Variants in DENND5A observed in about 807,000 individuals in gnomAD.
DENND5A encodes DENN domain containing 5A, also known as DENN domain-containing protein 5A.
Under a neutral mutation model 140.3 loss-of-function variants are expected in DENND5A, and 64 were observed. The observed-to-expected ratio is 0.46, with a 90% CI of 0.37 to 0.56. DENND5A has a LOEUF of 0.56. DENND5A is among the 20% of genes least tolerant of loss of function. The pLI is 0.00. For synonymous variants in DENND5A, 605 were observed against 607.7 expected, an observed-to-expected ratio of 1.00 and a Z score of 0.07; for missense variants, 1,292 against 1,593.8, an observed-to-expected ratio of 0.81 and a Z score of 3.22.
At chr11:9,250,626 A>T (rs1851677972) in intron 1 of DENND5A, among the ~76,000 whole-genome samples, 1 of 152,138 alleles carries the variant, frequency 6.6e-6, no homozygotes, top group African/African-American at 2.4e-5. Flanking sequence ...GTAACAATGG[A>T]CAAACAATTT....
intron 1 of DENND5A, chr11:9,242,597 T>C (rs537130137): frequency 6.6e-6 from 1 of 152,318 alleles, no homozygotes; most frequent in Admixed American, 6.5e-5. Flanking sequence ...TCAAACTCTC[T>C]GCACTTTAGT....
At chr11:9,261,123 T>C (rs1852178222) in intron 1 of DENND5A, among the ~76,000 whole-genome samples, 1 of 152,126 alleles carries the variant, frequency 6.6e-6, no homozygotes. Flanking sequence ...AGTACTGGGA[T>C]TACAGGTGTG....
rs1848335966 is a variant in DENND5A, at chr11:9,170,561, C to T, written c.2057+66G>A. The T allele has an allele frequency of 1.9e-6, 3 of 1,588,750 alleles. No individual in the cohort carries two copies. In the Admixed American group the frequency reaches 5.0e-5, roughly 27 times the overall value. ...GGTCTTCTAGGGGTAACAGCCCTAG[C>T]CCAGATACTAGATGACCCTATTACA... On this transcript the variant is annotated intron_variant, in intron 9 of 22. Coordinates refer to ENST00000328194, the MANE Select transcript of DENND5A (RefSeq NM_015213.4).
At chr11:9,156,647 C>T (rs1340554286) in intron 12 of DENND5A, among the ~76,000 whole-genome samples, 1 of 149,502 alleles carries the variant, frequency 6.7e-6, no homozygotes, top group Non-Finnish European at 1.5e-5. Context: ...AAAAAAGATA[C>T]AAAAATTAGC....
At chr11:9,190,613 G>A (rs1417800652) in intron 5 of DENND5A, among the ~76,000 whole-genome samples, 1 of 152,038 alleles carries the variant, frequency 6.6e-6, no homozygotes, top group Non-Finnish European at 1.5e-5. Flanking sequence ...TCTTTCTTTT[G>A]TAAACTGCCC....
At position 9,178,931 on chromosome 11, in the gene DENND5A, A is replaced by G. The variant is rs778270159; in HGVS notation, c.1598T>C (p.Val533Ala). Reference protein sequence around the residue: ...RFTQMFADYEVFVIQPSQDKE... With the variant: ...RFTQMFADYEAFVIQPSQDKE... ...ATCCTGGCTGGGTTGGATGACAAAC[A>G]CCTCATAATCTGCAAACATCTGAGT... is the stretch of plus-strand genomic sequence containing the variant. Residue 533 changes from valine to alanine, a missense_variant, in exon 7 of 23, where the codon GTG becomes GCG. Physicochemically the swap from Val to Ala is moderately conservative, Grantham distance 64 (BLOSUM62 0). Coordinates refer to ENST00000328194, the MANE Select transcript of DENND5A (RefSeq NM_015213.4). The G allele has an allele frequency of 2.0e-5, 32 of 1,614,096 alleles. No individual in the cohort carries two copies. Among genetic ancestry groups the G allele is most frequent in the Non-Finnish European group, 2.5e-5 (30 of 1,180,008 alleles).
intron 1 of DENND5A, among the ~76,000 whole-genome samples, chr11:9,228,128 A>AAAAAC (rs1554930496): frequency 3.3e-5 from 5 of 150,604 alleles, no homozygotes; most frequent in Middle Eastern, 3.5e-3. Context: ...AAAAAAAAAA[A>AAAAAC]AAAACTTACA....
At chr11:9,153,372 A>C (rs546457170) in intron 12 of DENND5A, among the ~76,000 whole-genome samples, 4 of 150,374 alleles carry the variant, frequency 2.7e-5, no homozygotes, top group South Asian at 4.2e-4. Context: ...AAAAAAAAAG[A>C]AGCAAATGAC....
intron 1 of DENND5A, among the ~76,000 whole-genome samples, chr11:9,264,647 A>G (rs1462521689): frequency 6.6e-6 from 1 of 152,144 alleles, no homozygotes; most frequent in Non-Finnish European, 1.5e-5. Flanking sequence ...TGGGTGCCAG[A>G]GGACAAGCTT....
In DENND5A at chr11:9,187,129, TA is replaced by T. The variant is rs529814404; in HGVS notation, c.1138-6046del. 5.5e-4 allele frequency among the ~76,000 whole-genome samples: 83 copies of T among 151,954 alleles called. 1 individual carries two copies. Among genetic ancestry groups the T allele is most frequent in the East Asian group, 5.0e-3 (26 of 5,166 alleles). ...AGAATTGAGCTAAAGGAGGGAGTGG[TA>T]AAAAAGCAAATTACTACACTCATAC... is the stretch of plus-strand genomic sequence containing the variant. On this transcript the variant is annotated intron_variant, in intron 5 of 22. Coordinates refer to ENST00000328194, the MANE Select transcript of DENND5A (RefSeq NM_015213.4).
intron 1 of DENND5A, among the ~76,000 whole-genome samples, chr11:9,252,587 C>T (rs905437512): frequency 1.3e-5 from 2 of 151,756 alleles, no homozygotes; most frequent in African/African-American, 4.8e-5. Context: ...GCGGAGGCTG[C>T]AGTAGCCAAG....
At chr11:9,251,629 G>A (rs1370703248) in intron 1 of DENND5A, among the ~76,000 whole-genome samples, 10 of 152,168 alleles carry the variant, frequency 6.6e-5, no homozygotes, top group Non-Finnish European at 1.5e-4. Context: ...TACGCCAAAT[G>A]AAAATCAGCA....
chr11:9,144,925 T>A, intron 18 of DENND5A, 70 bp downstream of exon 18: 1 of 1,132,914 alleles, frequency 8.8e-7, no homozygotes, highest in Non-Finnish European at 1.3e-6. Context: ...GAACTCCACA[T>A]ACCCAAGCAT....
At chr11:9,231,652 T>A (rs1194015853) in intron 1 of DENND5A, among the ~76,000 whole-genome samples, 1 of 137,930 alleles carries the variant, frequency 7.3e-6, no homozygotes, top group Non-Finnish European at 1.5e-5. Context: ...GAGGCAGAGG[T>A]TGCAGTGAGC....
intron 5 of DENND5A, among the ~76,000 whole-genome samples, chr11:9,190,438 G>A (rs575865108): frequency 5.9e-5 from 9 of 152,282 alleles, no homozygotes; most frequent in Non-Finnish European, 1.3e-4. Flanking sequence ...TCTCGTGATA[G>A]TGAATAAGTC....
intron 22 of DENND5A, among the ~76,000 whole-genome samples, chr11:9,140,587 T>C (rs1313213247): frequency 3.3e-5 from 5 of 152,196 alleles, no homozygotes; most frequent in South Asian, 2.1e-4. Flanking sequence ...TTTGTACTAA[T>C]ATGAAAAGAA....
At chr11:9,170,274 CTT>C in intron 9 of DENND5A, 1 of 984,820 alleles carries the variant, frequency 1.0e-6, no homozygotes. Context: ...ATTCTGCTAA[CTT>C]ACCTACTTTT....
At chr11:9,188,311 C>T (rs1194002530) in intron 5 of DENND5A, among the ~76,000 whole-genome samples, 1 of 152,208 alleles carries the variant, frequency 6.6e-6, no homozygotes, top group Non-Finnish European at 1.5e-5. Context: ...CCACGAGGAA[C>T]TGTTAAGTCC....
At chr11:9,205,452 C>T in intron 3 of DENND5A, among the ~76,000 whole-genome samples, 1 of 152,214 alleles carries the variant, frequency 6.6e-6, no homozygotes, top group East Asian at 1.9e-4. Context: ...ATGAAATAAA[C>T]GCTAGACTAG....
Sources: gnomAD v4.1 joint callset for allele counts (sites outside exome capture counted in the v4.1 genomes callset) on GRCh38, gnomAD v4.1.1 for gene constraint, MANE v1.5 for transcripts, NCBI Gene and HGNC (gene_info 2026-07-23, HGNC 2026-07-21) for gene names.